The following FIRRM variants were observed in gnomAD, a reference collection of about 807,000 sequenced individuals.
The protein encoded by FIRRM is FIGNL1-interacting regulator of recombination and mitosis.
the FIRRM span, among the ~76,000 whole-genome samples, chr1:169,791,639 G>A: frequency 6.6e-6 from 1 of 152,172 alleles, no homozygotes; most frequent in Non-Finnish European, 1.5e-5. Flanking sequence ...ATGCTAGTTA[G>A]CTATTATGAT....
chr1:169,822,199 C>G, the FIRRM span, among the ~76,000 whole-genome samples: 1 of 152,192 alleles, frequency 6.6e-6, no homozygotes, highest in Non-Finnish European at 1.5e-5. Context: ...ACCCTGCAAG[C>G]TGCAGGGAAC....
chr1:169,830,523 G>A, the FIRRM span, among the ~76,000 whole-genome samples: 8 of 152,284 alleles, frequency 5.3e-5, no homozygotes, highest in East Asian at 1.2e-3. Flanking sequence ...TTTGGTTCAA[G>A]CCAATAGATG....
the FIRRM span, among the ~76,000 whole-genome samples, chr1:169,814,716 T>C: frequency 6.6e-6 from 1 of 152,256 alleles, no homozygotes; most frequent in South Asian, 2.1e-4. Context: ...TGATTCTTCT[T>C]GTAAATAGAC....
chr1:169,850,135 A>G, the FIRRM span: 1 of 615,464 alleles, frequency 1.6e-6, no homozygotes, highest in African/African-American at 1.8e-5. Context: ...TGAGTTTATC[A>G]CCTTTGAGGA....
the FIRRM span, among the ~76,000 whole-genome samples, chr1:169,834,021 T>C: frequency 6.6e-6 from 1 of 151,986 alleles, no homozygotes; most frequent in Admixed American, 6.6e-5. Context: ...AATTTTCTTA[T>C]TTATACAACA....
At chr1:169,846,606 T>C in the FIRRM span, among the ~76,000 whole-genome samples, 2 of 152,152 alleles carry the variant, frequency 1.3e-5, no homozygotes, top group South Asian at 2.1e-4. Flanking sequence ...GTTACGGAGA[T>C]TGCTTCTTAA....
the FIRRM span, among the ~76,000 whole-genome samples, chr1:169,833,108 T>G: frequency 6.6e-6 from 1 of 152,208 alleles, no homozygotes; most frequent in South Asian, 2.1e-4. Context: ...TGGTTCTATA[T>G]CCCCTGCCCC....
chr1:169,830,655 G>A, the FIRRM span: 2 of 1,567,450 alleles, frequency 1.3e-6, no homozygotes. Context: ...ATGTTTCTGA[G>A]TAATTGTATA....
chr1:169,786,305 G>A, the FIRRM span, among the ~76,000 whole-genome samples: 1 of 152,164 alleles, frequency 6.6e-6, no homozygotes, highest in South Asian at 2.1e-4. Flanking sequence ...TTTTTCCTTA[G>A]AAGTTATTGT....
chr1:169,832,547 C>A, the FIRRM span: 1 of 1,436,482 alleles, frequency 7.0e-7, no homozygotes, highest in Non-Finnish European at 9.8e-7. Context: ...TGTGAAGCTG[C>A]TCAGAGTTGG....
the FIRRM span, among the ~76,000 whole-genome samples, chr1:169,817,397 A>C: frequency 6.6e-6 from 1 of 152,220 alleles, no homozygotes; most frequent in African/African-American, 2.4e-5. Flanking sequence ...TAAAGCCATA[A>C]TTGACTGGGG....
At chr1:169,823,777 A>T in the FIRRM span, among the ~76,000 whole-genome samples, 10 of 152,132 alleles carry the variant, frequency 6.6e-5, no homozygotes, top group African/African-American at 2.4e-4. Context: ...TTCTATTGGC[A>T]TTTTTTAATC....
At chr1:169,830,713 T>G in the FIRRM span, 19 of 1,613,798 alleles carry the variant, frequency 1.2e-5, no homozygotes, top group Admixed American at 2.0e-4. Context: ...ACTGCTGAAC[T>G]GTGTGCACAC....
At chr1:169,853,525 A>AC in the FIRRM span, 1 of 610,852 alleles carries the variant, frequency 1.6e-6, no homozygotes, top group Non-Finnish European at 2.8e-6. Context: ...GAGCCTCACC[A>AC]CCCAGGGCTT....
chr1:169,829,249 C>T, the FIRRM span: 4 of 1,524,252 alleles, frequency 2.6e-6, no homozygotes, highest in Non-Finnish European at 3.5e-6. Flanking sequence ...TCAATGTTCT[C>T]AATTTCCCTG....
chr1:169,802,058 T>A, the FIRRM span, among the ~76,000 whole-genome samples: 5 of 152,342 alleles, frequency 3.3e-5, no homozygotes, highest in South Asian at 8.3e-4. Context: ...TCATTTAAAT[T>A]GTTAGAAAGA....
At chr1:169,788,521 G>C in the FIRRM span, among the ~76,000 whole-genome samples, 1 of 152,144 alleles carries the variant, frequency 6.6e-6, no homozygotes, top group African/African-American at 2.4e-5. Flanking sequence ...AAGGCTTCAG[G>C]TCAAGAGTAT....
the FIRRM span, chr1:169,823,563 A>G: frequency 9.7e-6 from 7 of 725,354 alleles, no homozygotes; most frequent in Non-Finnish European, 6.6e-6. Flanking sequence ...ATAAAACAGA[A>G]TAATTTTTCT....
At chr1:169,800,944 G>C in the FIRRM span, 1 of 1,596,534 alleles carries the variant, frequency 6.3e-7, no homozygotes, top group South Asian at 1.1e-5. Flanking sequence ...CATTGGAACA[G>C]ACTTTCTTTT....
Sources: gnomAD v4.1 joint callset for allele counts (sites outside exome capture counted in the v4.1 genomes callset) on GRCh38, gnomAD v4.1.1 for gene constraint, MANE v1.5 for transcripts, NCBI Gene and HGNC (gene_info 2026-07-23, HGNC 2026-07-21) for gene names.